Variants in NPAS3 observed in about 807,000 individuals in gnomAD.
NPAS3 encodes neuronal PAS domain-containing protein 3.
Under a neutral mutation model 73.1 loss-of-function variants are expected in NPAS3, and 14 were observed. That is an observed-to-expected ratio of 0.19 (90% CI 0.13 to 0.30). The LOEUF (loss-of-function observed/expected upper bound fraction) is 0.30, where lower values mean the gene tolerates loss of function less well. Among genes scored for constraint, NPAS3 ranks in the 10% least tolerant of loss-of-function variants. NPAS3 has a pLI of 1.00. For missense variants in NPAS3, 1,096 were observed against 1,250.0 expected (o/e 0.88, Z 1.86); for synonymous variants, 620 against 541.5 (o/e 1.14, Z -2.01).
intron 2 of NPAS3, among the ~76,000 whole-genome samples, chr14:33,084,365 T>G (rs1251481923): frequency 6.6e-6 from 1 of 152,160 alleles, no homozygotes; most frequent in African/African-American, 2.4e-5. Context: ...CCTGGTTCCA[T>G]GGGAACTTTC....
At chr14:33,802,593 C>A (rs1414373453), downstream of NPAS3, 1 of 152,142 alleles carries the variant, frequency 6.6e-6, no homozygotes, top group African/African-American at 2.4e-5. Flanking sequence ...GGCTGTCAGT[C>A]CCATTGCAGT....
chr14:33,151,476 A>G (rs1175580541), intron 2 of NPAS3, among the ~76,000 whole-genome samples: 1 of 152,216 alleles, frequency 6.6e-6, no homozygotes, highest in Non-Finnish European at 1.5e-5. Flanking sequence ...AAAGAGGGTG[A>G]TGAGAATGTG....
At chr14:33,803,157 T>C (rs371367485), downstream of NPAS3, 4 of 152,198 alleles carry the variant, frequency 2.6e-5, no homozygotes, top group South Asian at 2.1e-4. Context: ...TGGGTGCTTT[T>C]CTTTGGTTTC....
At chr14:33,061,319 C>T (rs1403896240) in intron 2 of NPAS3, among the ~76,000 whole-genome samples, 1 of 152,142 alleles carries the variant, frequency 6.6e-6, no homozygotes, top group African/African-American at 2.4e-5. Context: ...CAACTTATGC[C>T]AGTTGTGTTA....
chr14:33,234,043 T>C (rs2047945580), intron 3 of NPAS3, among the ~76,000 whole-genome samples: 2 of 152,132 alleles, frequency 1.3e-5, no homozygotes. Context: ...AAAAGAAGTC[T>C]TAGTGACAGC....
chr14:33,149,722 G>C (rs1021058279), intron 2 of NPAS3, among the ~76,000 whole-genome samples: 1 of 152,062 alleles, frequency 6.6e-6, no homozygotes, highest in Non-Finnish European at 1.5e-5. Context: ...TTGAACTTCA[G>C]GACTGCAAAT....
chr14:33,755,746 C>T (rs67489096), intron 7 of NPAS3, among the ~76,000 whole-genome samples: 46,208 of 151,786 alleles, frequency 0.3, 8,499 homozygotes, highest in African/African-American at 0.51. Context: ...GGGAAAGAGG[C>T]TTATTTGGCT....
intron 4 of NPAS3, among the ~76,000 whole-genome samples, chr14:33,445,271 GTTTTA>G (rs2049434326): frequency 1.3e-5 from 2 of 151,976 alleles, no homozygotes; most frequent in Admixed American, 1.3e-4. Flanking sequence ...AGTTCATTTT[GTTTTA>G]TTGTCAACAT....
At chr14:33,679,797 T>C (rs2059880589) in intron 6 of NPAS3, among the ~76,000 whole-genome samples, 1 of 152,172 alleles carries the variant, frequency 6.6e-6, no homozygotes, top group Non-Finnish European at 1.5e-5. Flanking sequence ...CTGTCAGCCC[T>C]GAGATTGTCT....
At chr14:32,954,723 C>T (rs1305576405) in intron 1 of NPAS3, among the ~76,000 whole-genome samples, 3 of 152,052 alleles carry the variant, frequency 2.0e-5, no homozygotes, top group Non-Finnish European at 4.4e-5. Flanking sequence ...TAGACATTGT[C>T]GGTATTAAGC....
At position 33,302,653 on chromosome 14, in the gene NPAS3, C is replaced by G. The variant is rs545443787; in HGVS notation, c.386-64533C>G. Among the ~76,000 whole-genome samples, 104 of 152,170 alleles carry G rather than the reference C, an allele frequency of 6.8e-4. 1 individual carries two copies. Among genetic ancestry groups the G allele is most frequent in the Non-Finnish European group, 1.0e-3 (69 of 68,030 alleles). ...AAGACCAAAGTACCCAAAAGACAAGCCAACTTCCAGAGCGATGGCTTTATT... is the reference window on the plus strand; with the variant it reads ...AAGACCAAAGTACCCAAAAGACAAGGCAACTTCCAGAGCGATGGCTTTATT... On this transcript the variant is annotated intron_variant, in intron 3 of 11. Coordinates refer to ENST00000356141, the Ensembl canonical transcript of NPAS3.
At chr14:33,125,066 TC>T (rs1454746268) in intron 2 of NPAS3, among the ~76,000 whole-genome samples, 1 of 152,030 alleles carries the variant, frequency 6.6e-6, no homozygotes, top group East Asian at 1.9e-4. Context: ...AAATATGTGT[TC>T]TTTTTCCCAC....
At chr14:33,711,022 G>C (rs963622553) in intron 6 of NPAS3, among the ~76,000 whole-genome samples, 1 of 152,148 alleles carries the variant, frequency 6.6e-6, no homozygotes, top group African/African-American at 2.4e-5. Flanking sequence ...GTTCTGCTGG[G>C]AGCAAGCGCA....
chr14:33,390,799 A>G (rs1421134069), intron 4 of NPAS3, among the ~76,000 whole-genome samples: 1 of 152,152 alleles, frequency 6.6e-6, no homozygotes, highest in Admixed American at 6.5e-5. Context: ...ATCTATAGTT[A>G]TATTAAGAAA....
intron 7 of NPAS3, among the ~76,000 whole-genome samples, chr14:33,767,972 G>T (rs1345942353): frequency 2.0e-5 from 3 of 152,174 alleles, no homozygotes; most frequent in South Asian, 4.1e-4. Flanking sequence ...AAATAATGTG[G>T]CTTGTTAACA....
At chr14:33,151,840 T>C (rs1343654584) in intron 2 of NPAS3, among the ~76,000 whole-genome samples, 1 of 152,190 alleles carries the variant, frequency 6.6e-6, no homozygotes, top group African/African-American at 2.4e-5. Flanking sequence ...AAGTGAAGAA[T>C]AAAGTTAGTC....
In NPAS3 at chr14:33,554,163, G is replaced by T. The variant is rs144251911; in HGVS notation, c.469-5958G>T. Among the ~76,000 whole-genome samples, 316 of 152,300 alleles carry T rather than the reference G, an allele frequency of 2.1e-3. 1 individual carries two copies. Among genetic ancestry groups the T allele is most frequent in the African/African-American group, 7.1e-3 (297 of 41,568 alleles). ...TTCCCAAGGCTAACCCATTGCTTAC[G>T]GAATGGAGGCAGTTTTCTCACAGAG... is the stretch of plus-strand genomic sequence containing the variant. On this transcript the variant is annotated intron_variant, in intron 4 of 11. Coordinates refer to ENST00000356141, the Ensembl canonical transcript of NPAS3.
intron 3 of NPAS3, among the ~76,000 whole-genome samples, chr14:33,253,728 C>A (rs1035366087): frequency 6.6e-6 from 1 of 151,982 alleles, no homozygotes; most frequent in African/African-American, 2.4e-5. Flanking sequence ...CTCTGGCATG[C>A]CTTGACTGGG....
At chr14:33,154,758 GTTACATGA>G (rs1187492546) in intron 2 of NPAS3, among the ~76,000 whole-genome samples, 1 of 152,124 alleles carries the variant, frequency 6.6e-6, no homozygotes, top group African/African-American at 2.4e-5. Context: ...ATGACAATTA[GTTACATGA>G]AAGATGTTGA....
Sources: gnomAD v4.1 joint callset for allele counts (sites outside exome capture counted in the v4.1 genomes callset) on GRCh38, gnomAD v4.1.1 for gene constraint, MANE v1.5 for transcripts, NCBI Gene and HGNC (gene_info 2026-07-23, HGNC 2026-07-21) for gene names.